SUPT3H: variants seen among roughly 807,000 people sequenced by gnomAD.
The protein encoded by SUPT3H is SPT3 homolog, SAGA and STAGA complex component.
Under a neutral mutation model 44.3 loss-of-function variants are expected in SUPT3H, and 44 were observed. The ratio of observed to expected loss-of-function variants is 0.99; its 90% CI spans 0.78 to 1.28. The LOEUF (loss-of-function observed/expected upper bound fraction) is 1.28. SUPT3H is among the 50% of genes most tolerant of loss of function. The probability of loss-of-function intolerance (pLI) is 0.00; values close to 1 mark genes in which losing one functional copy is unlikely to be tolerated. For missense variants in SUPT3H, 380 were observed against 387.1 expected, an observed-to-expected ratio of 0.98 and a Z score of 0.15; for synonymous variants, 124 against 125.6, an observed-to-expected ratio of 0.99 and a Z score of 0.09.
intron 3 of SUPT3H, among the ~76,000 whole-genome samples, chr6:45,054,997 A>G (rs2091466183): frequency 6.6e-6 from 1 of 152,128 alleles, no homozygotes; most frequent in Non-Finnish European, 1.5e-5. Context: ...GTTTAAGCAT[A>G]ATAGCAACTA....
chr6:45,144,702 G>A (rs1353034010), intron 2 of SUPT3H, among the ~76,000 whole-genome samples: 1 of 152,018 alleles, frequency 6.6e-6, no homozygotes, highest in African/African-American at 2.4e-5. Flanking sequence ...AATTGGTAAA[G>A]AGGAAGTCAA....
rs557931703 is a variant in SUPT3H, at chr6:44,905,329, A to C, written c.912+27324T>G. Among the ~76,000 whole-genome samples, 4 of 152,360 alleles carry C rather than the reference A, an allele frequency of 2.6e-5. No individual in the cohort carries two copies. The East Asian group carries it at 7.7e-4, about 29-fold the overall frequency. ...GATCTCCAACAATTTACAAGAAAAAAACAAACAGCCCCATCAAAAAGTGGG... is the reference window on the plus strand; with the variant it reads ...GATCTCCAACAATTTACAAGAAAAACACAAACAGCCCCATCAAAAAGTGGG... On this transcript the variant is annotated intron_variant, in intron 10 of 10. Coordinates refer to ENST00000371459, the MANE Select transcript of SUPT3H (RefSeq NM_003599.4).
At chr6:45,158,289 TATA>T (rs1320604671) in intron 2 of SUPT3H, among the ~76,000 whole-genome samples, 1,590 of 44,742 alleles carry the variant, frequency 0.036, 69 homozygotes, top group Non-Finnish European at 0.053. Flanking sequence ...TATATATATA[TATA>T]TATATATTTT....
intron 3 of SUPT3H, among the ~76,000 whole-genome samples, chr6:45,029,343 G>A (rs1359696855): frequency 6.8e-6 from 1 of 146,376 alleles, no homozygotes; most frequent in Non-Finnish European, 1.5e-5. Context: ...ATTTGTATGT[G>A]TATATATATA....
At chr6:45,287,932 G>C (rs1779588673) in intron 2 of SUPT3H, among the ~76,000 whole-genome samples, 1 of 152,104 alleles carries the variant, frequency 6.6e-6, no homozygotes, top group Non-Finnish European at 1.5e-5. Context: ...AATGAGATCT[G>C]CTGCACATTC....
chr6:45,358,143 G>C (rs1245617800), intron 2 of SUPT3H, among the ~76,000 whole-genome samples: 1 of 150,214 alleles, frequency 6.7e-6, no homozygotes, highest in East Asian at 1.9e-4. Context: ...ATAAAAACAG[G>C]TTATAACATG....
chr6:44,810,601 T>TAAAA (rs5875892), intron 11 of SUPT3H, among the ~76,000 whole-genome samples: 21 of 145,424 alleles, frequency 1.4e-4, no homozygotes, highest in African/African-American at 2.5e-4. Context: ...AGCCTTTTAC[T>TAAAA]AAAAAAAAAA....
intron 10 of SUPT3H, among the ~76,000 whole-genome samples, chr6:44,916,972 A>AAAC (rs1767906831): frequency 6.6e-6 from 1 of 150,838 alleles, no homozygotes; most frequent in African/African-American, 2.5e-5. Context: ...GTCTCTACAA[A>AAAC]AAACAAACAA....
At position 45,132,375 on chromosome 6, in the gene SUPT3H, A is replaced by T. The variant is rs1367467334; in HGVS notation, c.102-26369T>A. Among the ~76,000 whole-genome samples the T allele has an allele frequency of 2.0e-5, 3 of 152,284 alleles. No homozygotes were observed. In the East Asian group the frequency reaches 5.8e-4, roughly 29 times the overall value. On this transcript the variant is annotated intron_variant, in intron 2 of 10. Transcript: ENST00000371459. ...CCCTATTCCCTTTAAAATTTGCTACAAAAGATTACTTTAAACCTACTTTTA... is the reference window on the plus strand; with the variant it reads ...CCCTATTCCCTTTAAAATTTGCTACTAAAGATTACTTTAAACCTACTTTTA...
At chr6:44,930,027 C>A (rs1359623940) in intron 10 of SUPT3H, among the ~76,000 whole-genome samples, 5 of 152,036 alleles carry the variant, frequency 3.3e-5, no homozygotes, top group Non-Finnish European at 5.9e-5. Flanking sequence ...GTGGGTGGAT[C>A]ACCTGAGGTC....
At chr6:45,209,870 T>C (rs73441120) in intron 2 of SUPT3H, among the ~76,000 whole-genome samples, 17,979 of 151,900 alleles carry the variant, frequency 0.12, 1,248 homozygotes, top group African/African-American at 0.19. Flanking sequence ...TTTGAAGAAA[T>C]TGCCTCAGCC....
intron 10 of SUPT3H, among the ~76,000 whole-genome samples, chr6:44,904,286 A>G (rs1313775700): frequency 1.3e-5 from 2 of 152,208 alleles, no homozygotes; most frequent in Non-Finnish European, 2.9e-5. Flanking sequence ...TCTCAGCCCC[A>G]AATCTCCTTA....
chr6:45,176,368 G>A (rs370810919), intron 2 of SUPT3H, among the ~76,000 whole-genome samples: 19 of 151,982 alleles, frequency 1.3e-4, no homozygotes, highest in East Asian at 5.8e-4. Context: ...TTTTCAGACC[G>A]GCTTAAAAAG....
At chr6:45,339,541 ATG>A (rs1297918324) in intron 2 of SUPT3H, among the ~76,000 whole-genome samples, 1 of 152,140 alleles carries the variant, frequency 6.6e-6, no homozygotes, top group African/African-American at 2.4e-5. Context: ...GTCAATGGTT[ATG>A]TGTTTAACCA....
At chr6:45,125,566 C>T (rs1225776278) in intron 2 of SUPT3H, among the ~76,000 whole-genome samples, 1 of 152,062 alleles carries the variant, frequency 6.6e-6, no homozygotes, top group Non-Finnish European at 1.5e-5. Context: ...GCAACGTATC[C>T]ACTTTCTTGC....
At chr6:45,331,540 C>A (rs1466506282) in intron 2 of SUPT3H, among the ~76,000 whole-genome samples, 2 of 151,944 alleles carry the variant, frequency 1.3e-5, no homozygotes, top group Non-Finnish European at 2.9e-5. Context: ...CAGAAAATCA[C>A]TCTAACACAT....
intron 3 of SUPT3H, among the ~76,000 whole-genome samples, chr6:45,068,520 TA>T (rs1288986571): frequency 6.6e-6 from 1 of 152,168 alleles, no homozygotes; most frequent in Non-Finnish European, 1.5e-5. Flanking sequence ...GGTAATCTCC[TA>T]AAATAAATTT....
intron 2 of SUPT3H, among the ~76,000 whole-genome samples, chr6:45,115,412 G>T (rs1020087986): frequency 6.6e-6 from 1 of 152,066 alleles, no homozygotes; most frequent in African/African-American, 2.4e-5. Flanking sequence ...AAATGAGCTT[G>T]GAAAATGACA....
chr6:44,939,070 G>A (rs1317348683), intron 9 of SUPT3H, among the ~76,000 whole-genome samples: 1 of 152,030 alleles, frequency 6.6e-6, no homozygotes, highest in African/African-American at 2.4e-5. Flanking sequence ...TCTTTCTCCT[G>A]CTTTATTGTT....
Sources: gnomAD v4.1 joint callset for allele counts (sites outside exome capture counted in the v4.1 genomes callset) on GRCh38, gnomAD v4.1.1 for gene constraint, MANE v1.5 for transcripts, NCBI Gene and HGNC (gene_info 2026-07-23, HGNC 2026-07-21) for gene names.